Variants in PEDS1 observed in about 807,000 individuals in gnomAD.
The protein encoded by PEDS1 is plasmanylethanolamine desaturase 1.
A neutral mutation model predicts 35.2 loss-of-function variants in PEDS1; 14 were observed. That is an observed-to-expected ratio of 0.40 (90% CI 0.26 to 0.62). The LOEUF is 0.62. Ranked by LOEUF, PEDS1 falls within the 20% of genes least tolerant of loss-of-function variation. The pLI, the probability that PEDS1 is intolerant of heterozygous loss-of-function variation, is 0.44. For synonymous variants in PEDS1, 152 were observed against 152.0 expected, an observed-to-expected ratio of 1.00 and a Z score of 0.00; for missense variants, 260 against 367.8, an observed-to-expected ratio of 0.71 and a Z score of 2.40.
chr20:50,128,328 G>T lies in PEDS1; in HGVS notation c.479-141C>A. ...ATTCTCTTCCACCCCCTGCAGGGCC[G>T]CAGGCAAGCTCAGGTGCTGCCCTGG... On this transcript the variant is annotated intron_variant, in intron 4 of 5. Coordinates refer to ENST00000371652, the MANE Select transcript of PEDS1 (RefSeq NM_199129.4). This position sits in a 1 kb window ranked among gnomAD's most constrained non-coding sequence, Gnocchi z 5.2. 1 of 1,034,916 alleles carries T rather than the reference G, an allele frequency of 9.7e-7. No individual in the cohort carries two copies. The highest frequency in any genetic ancestry group is 1.4e-6 in the Non-Finnish European group (1 of 714,954). 64.1% of individuals were successfully genotyped at this position (1,034,916 alleles called of 1,614,324 possible).
intron 2 of PEDS1, among the ~76,000 whole-genome samples, chr20:50,140,734 T>A (rs529075517): frequency 6.6e-6 from 1 of 152,360 alleles, no homozygotes; most frequent in East Asian, 1.9e-4. Context: ...CATCTTTTCG[T>A]GCTTCTGCCT....
intron 1 of PEDS1, among the ~76,000 whole-genome samples, chr20:50,149,033 A>T (rs1000351762): frequency 6.6e-5 from 10 of 152,142 alleles, no homozygotes; most frequent in African/African-American, 1.9e-4. Flanking sequence ...GGATCATTTG[A>T]GCTCAGAAGT....
At chr20:50,145,926 A>C (rs1158699134) in intron 1 of PEDS1, among the ~76,000 whole-genome samples, 1 of 152,152 alleles carries the variant, frequency 6.6e-6, no homozygotes, top group African/African-American at 2.4e-5. Context: ...AGTAGCCCAA[A>C]GCCACCCAAC....
chr20:50,149,135 C>T (rs1350421615), intron 1 of PEDS1, among the ~76,000 whole-genome samples: 2 of 151,778 alleles, frequency 1.3e-5, no homozygotes, highest in Non-Finnish European at 2.9e-5. Context: ...ACAAAAAAAC[C>T]GAAAGAAACA....
In PEDS1 at chr20:50,139,921, C is replaced by T. The variant is rs545735880; in HGVS notation, c.241+3581G>A. 4.6e-5 allele frequency among the ~76,000 whole-genome samples: 7 copies of T among 152,110 alleles called. No individual in the cohort carries two copies. The South Asian group carries it at 1.0e-3, about 23-fold the overall frequency. ...GATTACAGGTGTGAACCACCATGCC[C>T]GGCCGGACCCCCAGATTGCTATTTC... On this transcript the variant is annotated intron_variant, in intron 2 of 5. Coordinates refer to ENST00000371652, the MANE Select transcript of PEDS1 (RefSeq NM_199129.4).
chr20:50,139,537 C>T (rs2081271167), intron 2 of PEDS1, among the ~76,000 whole-genome samples: 1 of 151,932 alleles, frequency 6.6e-6, no homozygotes. Flanking sequence ...CCCCATCTCC[C>T]TGGCAGCGCC....
At chr20:50,143,470 T>C in intron 2 of PEDS1, 32 bp downstream of exon 2, 4 of 1,585,342 alleles carry the variant, frequency 2.5e-6, no homozygotes, top group African/African-American at 2.7e-5. Flanking sequence ...CCTAGGGAAG[T>C]TGAGGCAGGC....
rs1323984969 is a variant in PEDS1, at chr20:50,121,416, A to C, written c.*3642T>G. The C allele has an allele frequency of 1.3e-5, 2 of 152,448 alleles. No individual in the cohort carries two copies. Among genetic ancestry groups the C allele is most frequent in the African/African-American group, 4.8e-5 (2 of 41,440 alleles). 9.4% of individuals were successfully genotyped at this position (152,448 alleles called of 1,614,324 possible). A position where few individuals can be genotyped will look rare whatever the true frequency, so the allele number is the denominator to read the frequency against. The stretch of plus-strand genomic sequence containing the variant: ...AGCTGTGTGACCTTGGGCATATTAC[A>C]TGACCTCTGTGCCTCAGTTTCCCCA... On this transcript the variant is annotated 3_prime_UTR_variant, in exon 6 of 6. Coordinates refer to ENST00000371652, the MANE Select transcript of PEDS1 (RefSeq NM_199129.4).
At chr20:50,147,778 G>A (rs2081360564) in intron 1 of PEDS1, among the ~76,000 whole-genome samples, 1 of 152,194 alleles carries the variant, frequency 6.6e-6, no homozygotes, top group African/African-American at 2.4e-5. Context: ...ACAATGGCCG[G>A]GTGTGGTGGC....
At chr20:50,135,973 T>C (rs2081230024) in intron 2 of PEDS1, among the ~76,000 whole-genome samples, 2 of 152,190 alleles carry the variant, frequency 1.3e-5, no homozygotes, top group Non-Finnish European at 2.9e-5. Context: ...CTGGCCATGG[T>C]TGGCCATTTG....
chr20:50,142,836 A>C (rs1262202528), intron 2 of PEDS1, among the ~76,000 whole-genome samples: 1 of 151,962 alleles, frequency 6.6e-6, no homozygotes, highest in Non-Finnish European at 1.5e-5. Flanking sequence ...TGAGCCATGT[A>C]GGTGAGAGTT....
At chr20:50,150,759 A>G (rs1252742769) in intron 1 of PEDS1, among the ~76,000 whole-genome samples, 1 of 151,190 alleles carries the variant, frequency 6.6e-6, no homozygotes, top group African/African-American at 2.4e-5. Flanking sequence ...GTGGTGTGGT[A>G]TTGGCTCACT....
At chr20:50,135,875 G>A (rs2081229120) in intron 2 of PEDS1, among the ~76,000 whole-genome samples, 2 of 152,136 alleles carry the variant, frequency 1.3e-5, no homozygotes, top group South Asian at 2.1e-4. Flanking sequence ...TCTAGCGTGG[G>A]CCATGCAGTC....
In PEDS1 at chr20:50,124,766, G is replaced by A; in HGVS notation, c.*292C>T. The A allele has an allele frequency of 3.1e-6, 1 of 325,288 alleles. No homozygotes were observed. 20.2% of individuals were successfully genotyped at this position (325,288 alleles called of 1,614,324 possible). On this transcript the variant is annotated 3_prime_UTR_variant, in exon 6 of 6. Coordinates refer to ENST00000371652, the MANE Select transcript of PEDS1 (RefSeq NM_199129.4). ...CTGCCCAGCGGGGCAGGGACGGCAG[G>A]CGTGCAGGGAGTGGGTAAACCTCCT...
At chr20:50,133,535 G>T (rs2081201001) in intron 2 of PEDS1, among the ~76,000 whole-genome samples, 1 of 152,162 alleles carries the variant, frequency 6.6e-6, no homozygotes, top group Admixed American at 6.5e-5. Context: ...GCCCATTTGT[G>T]ATGGGGAGGG....
At chr20:50,126,381 C>T (rs1601205542) in intron 5 of PEDS1, among the ~76,000 whole-genome samples, 7 of 152,172 alleles carry the variant, frequency 4.6e-5, no homozygotes, top group Admixed American at 4.6e-4. Context: ...GTTAACCCAT[C>T]TCCTAAATAG....
At chr20:50,142,461 G>A (rs7270617) in intron 2 of PEDS1, among the ~76,000 whole-genome samples, 40,685 of 151,946 alleles carry the variant, frequency 0.27, 5,881 homozygotes, top group African/African-American at 0.37. Context: ...ATTTTGAGAC[G>A]GAGTCTCGCT....
intron 2 of PEDS1, among the ~76,000 whole-genome samples, chr20:50,141,821 C>A (rs1403621812): frequency 6.6e-6 from 1 of 152,190 alleles, no homozygotes; most frequent in Non-Finnish European, 1.5e-5. Context: ...GCTGGTCCGG[C>A]CCCCGTCCCC....
chr20:50,125,580 CTATCTATCTA>C (rs2081093173), intron 5 of PEDS1, among the ~76,000 whole-genome samples: 1 of 133,742 alleles, frequency 7.5e-6, no homozygotes, highest in African/African-American at 2.8e-5. Context: ...ATCTATCTAT[CTATCTATCTA>C]TCATTTATCT....
Sources: gnomAD v4.1 joint callset for allele counts (sites outside exome capture counted in the v4.1 genomes callset) on GRCh38, gnomAD v4.1.1 for gene constraint, Gnocchi (gnomAD v3.1) non-coding constraint, MANE v1.5 for transcripts, NCBI Gene and HGNC (gene_info 2026-07-23, HGNC 2026-07-21) for gene names.